The following TMEM45A variants were observed in gnomAD, a reference collection of about 807,000 sequenced individuals.
TMEM45A encodes transmembrane protein 45A, also known as DNA polymerase-transactivated protein 4.
Under a neutral mutation model 32.0 loss-of-function variants are expected in TMEM45A, and 25 were observed. That is an observed-to-expected ratio of 0.78 (90% CI 0.57 to 1.09). The LOEUF is 1.09. TMEM45A is among the 50% of genes least tolerant of loss of function. The probability of loss-of-function intolerance (pLI) is 0.00; values close to 1 mark genes in which losing one functional copy is unlikely to be tolerated. For missense variants in TMEM45A, 302 were observed against 325.0 expected (o/e 0.93, Z 0.54); for synonymous variants, 122 against 114.8 (o/e 1.06, Z -0.40).
intron 1 of TMEM45A, among the ~76,000 whole-genome samples, chr3:100,531,912 G>A (rs1705655161): frequency 6.6e-6 from 1 of 152,150 alleles, no homozygotes; most frequent in Non-Finnish European, 1.5e-5. Flanking sequence ...TTGTAAATTT[G>A]TTTCATTTTT....
rs1383500797 is a variant in TMEM45A at position 100,539,490 on chromosome 3, T to TATATGTATATGTATACGTATACGTATAC, written c.-3-15719_-3-15718insATATGTATATGTATACGTATACGTATAC. On this transcript the variant is annotated intron_variant, in intron 1 of 5. Transcript: ENST00000323523. Reference sequence around the variant, plus strand: ...ATGTATATGTATATGTATATGTATATGTATACGTATACGTATACGTATACG... The same window carrying TATATGTATATGTATACGTATACGTATAC: ...ATGTATATGTATATGTATATGTATATATATGTATATGTATACGTATACGTATACGTATACGTATACGTATACGTATACG... Among the ~76,000 whole-genome samples, 12 of 72,428 alleles carry TATATGTATATGTATACGTATACGTATAC rather than the reference T, an allele frequency of 1.7e-4. 1 individual carries two copies. The South Asian group carries it at 2.8e-3, about 17-fold the overall frequency. 47.5% of individuals were successfully genotyped at this position (72,428 alleles called of 152,430 possible). A position where few individuals can be genotyped will look rare whatever the true frequency, so the allele number is the denominator to read the frequency against.
chr3:100,544,232 T>C (rs1705941942), intron 1 of TMEM45A, among the ~76,000 whole-genome samples: 1 of 152,192 alleles, frequency 6.6e-6, no homozygotes. Context: ...GCACTGCTCC[T>C]ATCCCCTAGA....
At chr3:100,557,994 G>A (rs1017473256) in intron 3 of TMEM45A, among the ~76,000 whole-genome samples, 1 of 152,142 alleles carries the variant, frequency 6.6e-6, no homozygotes, top group African/African-American at 2.4e-5. Flanking sequence ...TATTGCACTT[G>A]CCATGCTTAC....
intron 1 of TMEM45A, among the ~76,000 whole-genome samples, chr3:100,552,464 A>G (rs1706128533): frequency 6.6e-6 from 1 of 152,174 alleles, no homozygotes; most frequent in Non-Finnish European, 1.5e-5. Context: ...CCTAGAGGGG[A>G]TCAATGTTAG....
chr3:100,534,890 G>A (rs537793416), intron 1 of TMEM45A, among the ~76,000 whole-genome samples: 3 of 152,254 alleles, frequency 2.0e-5, no homozygotes, highest in South Asian at 2.1e-4. Context: ...TTGAGGGCAG[G>A]ACTGGGCTGA....
intron 1 of TMEM45A, among the ~76,000 whole-genome samples, chr3:100,508,808 TAA>T (rs879392066): frequency 7.1e-6 from 1 of 141,388 alleles, no homozygotes. Context: ...TCTCACTATA[TAA>T]AAAAAAAAAA....
At chr3:100,531,300 A>ATG (rs1032676432) in intron 1 of TMEM45A, among the ~76,000 whole-genome samples, 22 of 151,044 alleles carry the variant, frequency 1.5e-4, no homozygotes, top group East Asian at 5.8e-4. Flanking sequence ...GCGTGAGTGT[A>ATG]TGTGTGTGTG....
chr3:100,550,536 T>G (rs1706075935), intron 1 of TMEM45A, among the ~76,000 whole-genome samples: 1 of 152,248 alleles, frequency 6.6e-6, no homozygotes, highest in African/African-American at 2.4e-5. Context: ...AGATGAAATT[T>G]TAAGTTTTTT....
At chr3:100,545,187 T>C (rs185697165) in intron 1 of TMEM45A, among the ~76,000 whole-genome samples, 1 of 152,346 alleles carries the variant, frequency 6.6e-6, no homozygotes, top group Admixed American at 6.5e-5. Context: ...TTTTTGTATC[T>C]TGTTAAAAAT....
intron 1 of TMEM45A, among the ~76,000 whole-genome samples, chr3:100,540,231 G>C (rs1348637879): frequency 6.6e-6 from 1 of 151,918 alleles, no homozygotes; most frequent in Non-Finnish European, 1.5e-5. Context: ...GAATATTAAT[G>C]GTGAAAGACA....
At chr3:100,568,537 G>T (rs1169682946) in intron 4 of TMEM45A, among the ~76,000 whole-genome samples, 1 of 152,160 alleles carries the variant, frequency 6.6e-6, no homozygotes, top group African/African-American at 2.4e-5. Flanking sequence ...GCACAATGTA[G>T]AAACCCAAGA....
At chr3:100,564,785 C>T (rs984842216) in intron 4 of TMEM45A, among the ~76,000 whole-genome samples, 12 of 152,096 alleles carry the variant, frequency 7.9e-5, no homozygotes, top group Admixed American at 7.9e-4. Flanking sequence ...CACCTGGCCG[C>T]AAATTATTGT....
Position 100,520,835 on chromosome 3 carries a change from G to C in TMEM45A, c.-4+27907G>C, listed in dbSNP as rs570288794. Reference sequence around the variant, plus strand: ...AAAAGCCTCTCACTTTCTCCGTCTTGGTCCAGGAGGTAGGAGAACAAAGAG... The same window carrying C: ...AAAAGCCTCTCACTTTCTCCGTCTTCGTCCAGGAGGTAGGAGAACAAAGAG... On this transcript the variant is annotated intron_variant, in intron 1 of 5. Transcript: ENST00000323523. 6.6e-5 allele frequency among the ~76,000 whole-genome samples: 10 copies of C among 152,230 alleles called. No individual in the cohort carries two copies. The East Asian group carries it at 1.4e-3, about 21-fold the overall frequency.
intron 4 of TMEM45A, among the ~76,000 whole-genome samples, chr3:100,565,130 T>C (rs1192870147): frequency 2.0e-5 from 3 of 152,140 alleles, no homozygotes; most frequent in African/African-American, 2.4e-5. Flanking sequence ...CTAGGGGAAG[T>C]TGTTGAAGTC....
chr3:100,566,583 C>T (rs140537308), intron 4 of TMEM45A, among the ~76,000 whole-genome samples: 144 of 151,980 alleles, frequency 9.5e-4, no homozygotes, highest in African/African-American at 3.4e-3. Context: ...CTTCATTATC[C>T]AGATAATCAA....
intron 1 of TMEM45A, among the ~76,000 whole-genome samples, chr3:100,551,312 C>T (rs1456063382): frequency 6.6e-6 from 1 of 152,064 alleles, no homozygotes; most frequent in African/African-American, 2.4e-5. Flanking sequence ...TGCGCCCGGC[C>T]GAACTGCTTT....
At chr3:100,575,794 C>T (rs1281888336) in intron 5 of TMEM45A, among the ~76,000 whole-genome samples, 1 of 152,230 alleles carries the variant, frequency 6.6e-6, no homozygotes, top group Non-Finnish European at 1.5e-5. Context: ...AAAGCTCCCC[C>T]TGGAAGGGGC....
intron 1 of TMEM45A, among the ~76,000 whole-genome samples, chr3:100,522,588 TA>T (rs1330498196): frequency 7.9e-5 from 12 of 152,210 alleles, no homozygotes; most frequent in African/African-American, 2.9e-4. Flanking sequence ...CATGTCACAG[TA>T]TACATGGACA....
chr3:100,534,751 C>A (rs1705710070), intron 1 of TMEM45A, among the ~76,000 whole-genome samples: 1 of 152,240 alleles, frequency 6.6e-6, no homozygotes, highest in African/African-American at 2.4e-5. Context: ...TGTCCTCCAG[C>A]ACCCCAGAGA....
Sources: allele counts gnomAD v4.1 joint callset (sites outside exome capture counted in the v4.1 genomes callset), GRCh38; gene constraint gnomAD v4.1.1; transcripts MANE v1.5; gene names NCBI Gene and HGNC (gene_info 2026-07-23, HGNC 2026-07-21).